Variants in EXOC3 observed in about 807,000 individuals in gnomAD.
The protein encoded by EXOC3 is exocyst complex component 3, also known as SEC6-like 1.
In EXOC3, 21 loss-of-function variants were observed where a neutral mutation model predicts 73.7. That is an observed-to-expected ratio of 0.29 (90% CI 0.20 to 0.41). The LOEUF (loss-of-function observed/expected upper bound fraction) is 0.41. Ranked by LOEUF, EXOC3 falls within the 10% of genes least tolerant of loss-of-function variation. EXOC3 has a pLI of 1.00. For missense variants in EXOC3, 842 were observed against 985.1 expected (o/e 0.85, Z 1.95); for synonymous variants, 410 against 389.1 (o/e 1.05, Z -0.63).
chr5:461,074 A>G (rs548556425), intron 7 of EXOC3, among the ~76,000 whole-genome samples: 1 of 152,298 alleles, frequency 6.6e-6, no homozygotes, highest in East Asian at 1.9e-4. Context: ...TAATTGGATG[A>G]TTTCAGGGAC....
At chr5:459,760 C>A (rs1189110768) in intron 7 of EXOC3, among the ~76,000 whole-genome samples, 1 of 152,216 alleles carries the variant, frequency 6.6e-6, no homozygotes, top group Non-Finnish European at 1.5e-5. Flanking sequence ...CTGTTCTGAA[C>A]TTCCTTGGGG....
chr5:461,773 T>C (rs1039641649), intron 7 of EXOC3, 187 bp from the exon 8 acceptor site: 21 of 588,498 alleles, frequency 3.6e-5, no homozygotes, highest in Middle Eastern at 4.4e-4. Flanking sequence ...TTTTGATCCA[T>C]TTAAAGTAAT....
rs1312435036 is a variant in EXOC3 at position 467,183 on chromosome 5, A to T, written c.*285A>T. On this transcript the variant is annotated 3_prime_UTR_variant, in exon 13 of 13. Coordinates refer to ENST00000512944, the MANE Select transcript of EXOC3 (RefSeq NM_007277.5). ...GTTGAAAGTGTGTGGGGCACAGAGG[A>T]CGTGCACCTCCCTGCCCTCCTCCTC... 4 of 417,174 alleles carry T rather than the reference A, an allele frequency of 9.6e-6. No individual in the cohort carries two copies. The highest frequency in any genetic ancestry group is 3.8e-5 in the Admixed American group (1 of 26,004). 25.8% of individuals were successfully genotyped at this position (417,174 alleles called of 1,614,324 possible).
Position 446,152 on chromosome 5 carries a change from C to T in EXOC3, c.-54C>T. 1 of 1,609,902 alleles carries T rather than the reference C, an allele frequency of 6.2e-7. No homozygotes were observed. The highest frequency in any genetic ancestry group is 8.5e-7 in the Non-Finnish European group (1 of 1,176,588). On this transcript the variant is annotated splice_region_variant and 5_prime_UTR_variant, in exon 2 of 13. Transcript: ENST00000512944. Reference sequence around the variant, plus strand: ...TACCGTCCTAACAACTCCTGCAGTGCACAGAGAACACCCCTAGCATGAACA... The same window carrying T: ...TACCGTCCTAACAACTCCTGCAGTGTACAGAGAACACCCCTAGCATGAACA...
At chr5:465,914 C>T (rs2126589426) in intron 12 of EXOC3, 69 bp downstream of exon 12, 1 of 1,522,182 alleles carries the variant, frequency 6.6e-7, no homozygotes, top group Non-Finnish European at 8.9e-7. Flanking sequence ...CTCCTTCTGT[C>T]TGGGGCGGGT....
Position 446,147 on chromosome 5 carries a change from C to T in EXOC3, c.-56-3C>T, listed in dbSNP as rs778052890. 6 of 1,600,650 alleles carry T rather than the reference C, an allele frequency of 3.7e-6. No homozygotes were observed. The South Asian group carries it at 4.4e-5, about 12-fold the overall frequency. ...ATTTCTACCGTCCTAACAACTCCTG[C>T]AGTGCACAGAGAACACCCCTAGCAT... On this transcript the variant is annotated splice_region_variant and splice_polypyrimidine_tract_variant and intron_variant, in intron 1 of 12. Transcript: ENST00000512944.
Position 466,822 on chromosome 5 carries a change from A to C in EXOC3, c.2162A>C (p.Gln721Pro). 6.2e-7 allele frequency: 1 copy of C among 1,613,482 alleles called. No individual in the cohort carries two copies. Among genetic ancestry groups the C allele is most frequent in the Non-Finnish European group, 8.5e-7 (1 of 1,179,788 alleles). The stretch of plus-strand genomic sequence containing the variant: ...GAGACCCTGGAGCAGGGCCCAGCAC[A>C]GGCCAGCCCCAGCTACGTGCCCCTC... ...IMETLEQGPA[Q>P]ASPSYVPLFK... Residue 721 changes from glutamine (Q) to proline (P), a missense_variant, in exon 13 of 13, where the codon CAG (glutamine) becomes CCG (proline). Coordinates refer to ENST00000512944, the MANE Select transcript of EXOC3 (RefSeq NM_007277.5).
intron 3 of EXOC3, among the ~76,000 whole-genome samples, chr5:450,012 G>A (rs1307420903): frequency 6.6e-6 from 1 of 152,230 alleles, no homozygotes; most frequent in Non-Finnish European, 1.5e-5. Context: ...TTGGAAGGCT[G>A]AGGCAGGCGG....
intron 10 of EXOC3, 21 bp downstream of exon 10, chr5:464,433 T>C (rs991808514): frequency 1.2e-6 from 2 of 1,611,458 alleles, no homozygotes; most frequent in African/African-American, 2.7e-5. Flanking sequence ...GGGACCTAGT[T>C]CCCTCATCAC....
chr5:456,786 G>A (rs1282807139), intron 4 of EXOC3, 103 bp from the exon 5 acceptor site: 1 of 874,636 alleles, frequency 1.1e-6, no homozygotes, highest in East Asian at 2.6e-5. Flanking sequence ...AAGTCTCCAG[G>A]GTGGTGGACA....
At chr5:446,484 C>T in intron 2 of EXOC3, 135 bp downstream of exon 2, 1 of 794,060 alleles carries the variant, frequency 1.3e-6, no homozygotes, top group Non-Finnish European at 1.9e-6. Flanking sequence ...TGAGCAGTTA[C>T]TTTCAGCAGT....
intron 7 of EXOC3, among the ~76,000 whole-genome samples, chr5:459,742 C>T (rs1269145327): frequency 1.3e-5 from 2 of 152,212 alleles, no homozygotes; most frequent in Admixed American, 1.3e-4. Flanking sequence ...TCAGGCTCCT[C>T]CTGTTGCCTG....
Position 447,661 on chromosome 5 carries a change from C to T in EXOC3, c.273C>T (p.Asn91=), listed in dbSNP as rs776382668. 2.5e-6 allele frequency: 4 copies of T among 1,589,300 alleles called. No homozygotes were observed. The highest frequency in any genetic ancestry group is 2.7e-5 in the African/African-American group (2 of 74,344). ...DVSKDWRQSI[N]TIESLKDVKD... ...GCAAGGACTGGAGGCAGAGCATCAA[C>T]ACCATTGAGAGCCTCAAGGACGTCA... Residue 91 remains asparagine (N), a synonymous_variant, in exon 3 of 13, where the codon AAC becomes AAT. Coordinates refer to ENST00000512944, the MANE Select transcript of EXOC3 (RefSeq NM_007277.5).
chr5:444,085 AG>A (rs1560933543), intron 1 of EXOC3, among the ~76,000 whole-genome samples: 1 of 152,108 alleles, frequency 6.6e-6, no homozygotes. Flanking sequence ...TCCCTGGCGC[AG>A]GTGTCTCCGT....
At chr5:443,965 C>T (rs1382748719) in intron 1 of EXOC3, among the ~76,000 whole-genome samples, 1 of 151,298 alleles carries the variant, frequency 6.6e-6, no homozygotes, top group East Asian at 2.0e-4. Context: ...TGTCCTCCAG[C>T]GGAGTGTCCC....
At chr5:448,518 C>T (rs1579733185) in intron 3 of EXOC3, among the ~76,000 whole-genome samples, 2 of 152,202 alleles carry the variant, frequency 1.3e-5, no homozygotes, top group East Asian at 1.9e-4. Flanking sequence ...TTGTTCCTGT[C>T]TCTGGCCTCT....
chr5:456,487 T>C (rs1477737454), intron 4 of EXOC3, among the ~76,000 whole-genome samples: 1 of 151,986 alleles, frequency 6.6e-6, no homozygotes, highest in Non-Finnish European at 1.5e-5. Flanking sequence ...GCAGGTGCAG[T>C]GAATAGAACA....
At chr5:454,140 G>A in intron 4 of EXOC3, 89 bp downstream of exon 4, 6 of 1,150,724 alleles carry the variant, frequency 5.2e-6, no homozygotes, top group Non-Finnish European at 6.1e-6. Context: ...GCCGACCTCA[G>A]GGTGTTGCTC....
chr5:454,442 C>T (rs1737746134), intron 4 of EXOC3, among the ~76,000 whole-genome samples: 1 of 152,216 alleles, frequency 6.6e-6, no homozygotes, highest in Non-Finnish European at 1.5e-5. Context: ...CTGGGACTGG[C>T]ACATGGCCAC....
Sources: gnomAD v4.1 joint callset for allele counts (sites outside exome capture counted in the v4.1 genomes callset) on GRCh38, gnomAD v4.1.1 for gene constraint, MANE v1.5 for transcripts, NCBI Gene and HGNC (gene_info 2026-07-23, HGNC 2026-07-21) for gene names.